DENND6A: variants seen among roughly 807,000 people sequenced by gnomAD.
DENND6A encodes the protein protein DENND6A.
In DENND6A, 43 loss-of-function variants were observed where a neutral mutation model predicts 95.5. The ratio of observed to expected loss-of-function variants is 0.45; its 90% confidence interval spans 0.35 to 0.58. The LOEUF (loss-of-function observed/expected upper bound fraction) is 0.58, where lower values mean the gene tolerates loss of function less well. Among genes scored for constraint, DENND6A ranks in the 20% least tolerant of loss-of-function variants. The probability of loss-of-function intolerance (pLI) is 0.00; values close to 1 mark genes in which losing one functional copy is unlikely to be tolerated. For synonymous variants in DENND6A, 257 were observed against 260.4 expected, an observed-to-expected ratio of 0.99 and a Z score of 0.13; for missense variants, 574 against 736.0, an observed-to-expected ratio of 0.78 and a Z score of 2.55.
At chr3:57,687,798 A>G (rs2077224571) in intron 1 of DENND6A, among the ~76,000 whole-genome samples, 1 of 152,010 alleles carries the variant, frequency 6.6e-6, no homozygotes. Context: ...CCTGGTGCAT[A>G]AGCATATGCC....
At chr3:57,650,114 A>G (rs1272984921) in intron 9 of DENND6A, among the ~76,000 whole-genome samples, 1 of 152,092 alleles carries the variant, frequency 6.6e-6, no homozygotes, top group Non-Finnish European at 1.5e-5. Context: ...TAAGAATGAT[A>G]CTATGAACTT....
chr3:57,678,647 G>A (rs1262184384), intron 1 of DENND6A, among the ~76,000 whole-genome samples: 4 of 152,320 alleles, frequency 2.6e-5, no homozygotes, highest in Admixed American at 2.6e-4. Flanking sequence ...CTTATAAGAG[G>A]AAACACAAGA....
chr3:57,651,888 A>G (rs1380804540), intron 9 of DENND6A, among the ~76,000 whole-genome samples: 1 of 152,130 alleles, frequency 6.6e-6, no homozygotes, highest in African/African-American at 2.4e-5. Flanking sequence ...GAGTCCAAAC[A>G]GATATATAAA....
At chr3:57,634,265 T>A (rs2070745602) in intron 14 of DENND6A, among the ~76,000 whole-genome samples, 1 of 125,570 alleles carries the variant, frequency 8.0e-6, no homozygotes, top group Admixed American at 8.7e-5. Context: ...AAACCCCGTC[T>A]CTACTAAAAA....
chr3:57,673,334 CAT>C (rs1319766051), intron 1 of DENND6A, among the ~76,000 whole-genome samples: 2 of 149,938 alleles, frequency 1.3e-5, no homozygotes, highest in African/African-American at 4.9e-5. Flanking sequence ...ACAAATATCA[CAT>C]GTTCTCACTC....
chr3:57,685,298 T>A (rs77299562), intron 1 of DENND6A, among the ~76,000 whole-genome samples: 1,967 of 150,200 alleles, frequency 0.013, 48 homozygotes, highest in African/African-American at 0.047. Context: ...TAAAAAAAAT[T>A]GTTTATTTAT....
chr3:57,652,580 C>T (rs1371185641), intron 9 of DENND6A, among the ~76,000 whole-genome samples: 1 of 152,182 alleles, frequency 6.6e-6, no homozygotes, highest in Non-Finnish European at 1.5e-5. Flanking sequence ...TAATTTGTTA[C>T]ACATCAATAA....
At chr3:57,632,333 T>C (rs1188789659) in intron 15 of DENND6A, among the ~76,000 whole-genome samples, 1 of 151,842 alleles carries the variant, frequency 6.6e-6, no homozygotes, top group African/African-American at 2.4e-5. Flanking sequence ...CCATGCTCTT[T>C]TTTTTTTTAA....
At chr3:57,634,291 G>A (rs1017942533) in intron 14 of DENND6A, among the ~76,000 whole-genome samples, 6 of 151,964 alleles carry the variant, frequency 3.9e-5, no homozygotes, top group Admixed American at 2.6e-4. Context: ...AAATTAGCCA[G>A]GCATGATGGT....
intron 12 of DENND6A, 52 bp from the exon 13 acceptor site, chr3:57,634,821 C>G (rs1239457269): frequency 7.2e-7 from 1 of 1,392,520 alleles, no homozygotes; most frequent in Non-Finnish European, 9.6e-7. Context: ...ATACATATTA[C>G]AAAATTGGAA....
intron 1 of DENND6A, among the ~76,000 whole-genome samples, chr3:57,691,988 T>C (rs973358760): frequency 2.6e-5 from 4 of 151,866 alleles, no homozygotes; most frequent in African/African-American, 9.6e-5. Flanking sequence ...TCCCACCACT[T>C]TGGAAGGCCT....
chr3:57,651,209 C>T (rs765130448), intron 9 of DENND6A, among the ~76,000 whole-genome samples: 34 of 152,186 alleles, frequency 2.2e-4, no homozygotes, highest in Non-Finnish European at 4.0e-4. Context: ...CAGTATGCTC[C>T]TCAACATATG....
intron 12 of DENND6A, among the ~76,000 whole-genome samples, chr3:57,635,200 G>GGTTTTGTTTT (rs140021615): frequency 2.2e-3 from 328 of 151,458 alleles, no homozygotes; most frequent in African/African-American, 6.8e-3. Flanking sequence ...GGGTTTGTGG[G>GGTTTTGTTTT]GTTTTGTTTT....
At chr3:57,690,696 A>C (rs1054755855) in intron 1 of DENND6A, among the ~76,000 whole-genome samples, 5 of 151,846 alleles carry the variant, frequency 3.3e-5, no homozygotes, top group African/African-American at 9.7e-5. Context: ...AAAAAAAAAA[A>C]AAAAATCAGA....
At chr3:57,692,622 C>T (rs757852378) in intron 1 of DENND6A, among the ~76,000 whole-genome samples, 160 bp downstream of exon 1, 43 of 152,260 alleles carry the variant, frequency 2.8e-4, no homozygotes, top group Admixed American at 5.2e-4. Flanking sequence ...ACGGGAAGTG[C>T]CGTAGGACCG....
chr3:57,637,892 T>A (rs1258254855), intron 12 of DENND6A, among the ~76,000 whole-genome samples: 1 of 151,948 alleles, frequency 6.6e-6, no homozygotes, highest in African/African-American at 2.4e-5. Context: ...CCCCAGCACT[T>A]TGGGAGGCTG....
chr3:57,628,667 C>T (rs2070587915), intron 19 of DENND6A, 144 bp downstream of exon 19: 2 of 796,262 alleles, frequency 2.5e-6, no homozygotes, highest in Non-Finnish European at 4.0e-6. Flanking sequence ...GTATTTTCAG[C>T]AGTATCTACC....
chr3:57,659,239 G>A, intron 7 of DENND6A, 59 bp from the exon 8 acceptor site: 1 of 1,554,230 alleles, frequency 6.4e-7, no homozygotes, highest in Non-Finnish European at 8.9e-7. Flanking sequence ...GAGAAGTGCT[G>A]TATCCTGCTG....
At chr3:57,632,854 G>A (rs1031131483) in intron 15 of DENND6A, among the ~76,000 whole-genome samples, 4 of 152,162 alleles carry the variant, frequency 2.6e-5, no homozygotes, top group Non-Finnish European at 5.9e-5. Flanking sequence ...TTATCATAGA[G>A]CTACAGCCTC....
Sources: allele counts gnomAD v4.1 joint callset (sites outside exome capture counted in the v4.1 genomes callset), GRCh38; gene constraint gnomAD v4.1.1; transcripts MANE v1.5; gene names NCBI Gene and HGNC (gene_info 2026-07-23, HGNC 2026-07-21).